Variants in GRB14 observed in about 807,000 individuals in gnomAD.
GRB14 encodes growth factor receptor-bound protein 14.
In GRB14, 38 loss-of-function variants were observed where a neutral mutation model predicts 69.1. The ratio of observed to expected loss-of-function variants is 0.55; its 90% CI spans 0.42 to 0.72. The LOEUF is 0.72. Ranked by LOEUF, GRB14 falls within the 30% of genes least tolerant of loss-of-function variation. The pLI is 0.00. For synonymous variants in GRB14, 247 were observed against 241.3 expected (o/e 1.02, Z -0.22); for missense variants, 666 against 666.1 (o/e 1.00, Z 0.00).
chr2:164,560,952 T>A (rs1311770151), intron 2 of GRB14, among the ~76,000 whole-genome samples: 1 of 152,156 alleles, frequency 6.6e-6, no homozygotes, highest in Non-Finnish European at 1.5e-5. Context: ...GAATCTGAAA[T>A]TACCAAAAGT....
chr2:164,503,169 TAAAA>T (rs3086552), intron 8 of GRB14, among the ~76,000 whole-genome samples: 1 of 126,600 alleles, frequency 7.9e-6, no homozygotes, highest in African/African-American at 2.9e-5. Flanking sequence ...GCTACTTTGT[TAAAA>T]AAAAAAAAAA....
At chr2:164,508,603 C>T in intron 7 of GRB14, 53 bp from the exon 8 acceptor site, 1 of 1,532,688 alleles carries the variant, frequency 6.5e-7, no homozygotes, top group Admixed American at 1.7e-5. Context: ...GAAGGTAACA[C>T]CTGTTGAAAT....
Position 164,527,112 on chromosome 2 carries a change from G to C in GRB14, c.505C>G (p.Leu169Val). The C allele has an allele frequency of 6.4e-7, 1 of 1,574,768 alleles. No individual in the cohort carries two copies. ...GVERTIEDHE[L>V]VIEVLSNWGI... is the part of the protein sequence containing the mutation. ...CAGTTGGATAGCACTTCAATCACCA[G>C]TTCGTGGTCTTCTATTGTTCTTTCT... Residue 169 changes from leucine (L) to valine (V), a missense_variant, in exon 4 of 14, where the codon CTG becomes GTG. Leu to Val is a conservative substitution (Grantham distance 32). Coordinates refer to ENST00000263915, the MANE Select transcript of GRB14 (RefSeq NM_004490.3).
At chr2:164,598,311 T>A (rs1426202385) in intron 2 of GRB14, among the ~76,000 whole-genome samples, 1 of 152,202 alleles carries the variant, frequency 6.6e-6, no homozygotes, top group Non-Finnish European at 1.5e-5. Context: ...GGTATTAAAT[T>A]GAATTTTGAA....
chr2:164,612,812 A>G (rs1690198690), intron 2 of GRB14, among the ~76,000 whole-genome samples: 1 of 152,224 alleles, frequency 6.6e-6, no homozygotes, highest in South Asian at 2.1e-4. Context: ...ATAACGTTAA[A>G]AAGAAAACCC....
intron 2 of GRB14, among the ~76,000 whole-genome samples, chr2:164,611,744 C>A (rs1437539384): frequency 6.6e-6 from 1 of 151,842 alleles, no homozygotes; most frequent in Non-Finnish European, 1.5e-5. Flanking sequence ...CTAGTTTAAC[C>A]AGACCCTTCT....
intron 3 of GRB14, among the ~76,000 whole-genome samples, chr2:164,534,913 T>A (rs1688041473): frequency 6.6e-6 from 1 of 152,168 alleles, no homozygotes. Context: ...AAAATCCATC[T>A]AAAATACTAT....
intron 2 of GRB14, among the ~76,000 whole-genome samples, chr2:164,619,486 G>T (rs1048741967): frequency 1.3e-5 from 2 of 152,096 alleles, no homozygotes; most frequent in Non-Finnish European, 2.9e-5. Flanking sequence ...TCGGAGGTAG[G>T]TTTTAACATT....
In GRB14 at chr2:164,550,763, T is replaced by C. The variant is rs568045815; in HGVS notation, c.325-2947A>G. On this transcript the variant is annotated intron_variant, in intron 2 of 13. Transcript: ENST00000263915. ...TGCAAACTACAGTATTTTCACAGAA[T>C]GGAATATTATATGGTCCCTAAAAAT... Among the ~76,000 whole-genome samples the C allele has an allele frequency of 1.6e-4, 25 of 152,200 alleles. 1 individual carries two copies. The highest frequency in any genetic ancestry group is 1.5e-3 in the Admixed American group (23 of 15,294).
Position 164,508,855 on chromosome 2 carries a change from T to TAA in GRB14, c.817-5_817-4dup. 58 of 1,384,034 alleles carry TAA rather than the reference T, an allele frequency of 4.2e-5. No homozygotes were observed. Among genetic ancestry groups the TAA allele is most frequent in the Admixed American group, 9.4e-5 (4 of 42,566 alleles). 85.7% of individuals were successfully genotyped at this position (1,384,034 alleles called of 1,614,324 possible). Reference sequence around the variant, plus strand: ...AAAAACTGCAAATGCCGCGGTTCCTTAAAAAAAAAAGTATTGACATGGATA... The same window carrying TAA: ...AAAAACTGCAAATGCCGCGGTTCCTTAAAAAAAAAAAAGTATTGACATGGATA... On this transcript the variant is annotated splice_region_variant and splice_polypyrimidine_tract_variant and intron_variant, in intron 6 of 13. Transcript: ENST00000263915.
intron 2 of GRB14, among the ~76,000 whole-genome samples, chr2:164,564,493 C>T (rs1688916906): frequency 6.6e-6 from 1 of 152,182 alleles, no homozygotes; most frequent in South Asian, 2.1e-4. Context: ...GAACTATTCT[C>T]TTATATGAAT....
chr2:164,566,045 G>A (rs143212521), intron 2 of GRB14, among the ~76,000 whole-genome samples: 1 of 152,186 alleles, frequency 6.6e-6, no homozygotes, highest in Non-Finnish European at 1.5e-5. Flanking sequence ...TAAATTATTT[G>A]TCAAGGGCCA....
At position 164,619,720 on chromosome 2, in the gene GRB14, G is replaced by T. The variant is rs200640258; in HGVS notation, c.291C>A (p.Asp97Glu). 2 of 1,590,478 alleles carry T rather than the reference G, an allele frequency of 1.3e-6. No homozygotes were observed. ...TCCTTGAATTTGCTTTGGGAAATAG[G>T]TCTGCTGACAACACAGATGTAAATG... Reference protein sequence around the residue: ...CSPFTSVLSADLFPKANSRKK... With the variant: ...CSPFTSVLSAELFPKANSRKK... The change falls in exon 2 of 14, where the codon GAC (aspartate) becomes GAA (glutamate). Residue 97 changes from aspartate (D) to glutamate (E), a missense_variant. Asp to Glu is a conservative substitution (Grantham distance 45). Coordinates refer to ENST00000263915, the MANE Select transcript of GRB14 (RefSeq NM_004490.3).
intron 2 of GRB14, among the ~76,000 whole-genome samples, chr2:164,551,699 C>A (rs533462978): frequency 6.6e-6 from 1 of 152,236 alleles, no homozygotes. Flanking sequence ...CTAAATTTGG[C>A]CCTGGTTCCA....
At chr2:164,560,770 C>T (rs1191101748) in intron 2 of GRB14, among the ~76,000 whole-genome samples, 1 of 151,948 alleles carries the variant, frequency 6.6e-6, no homozygotes, top group Non-Finnish European at 1.5e-5. Context: ...TGGTATTTTC[C>T]CAAACAAAGC....
rs1408354161 is a variant in GRB14 at position 164,547,670 on chromosome 2, G to A, written c.471C>T (p.His157=). ...HSWTLFEHLP[H]IGVERTIEDH... ...ACTCCGTATCCTTACCTACACCTATGTGAGGCAGGTGCTCAAAAAGGGTCC... is the reference window on the plus strand; with the variant it reads ...ACTCCGTATCCTTACCTACACCTATATGAGGCAGGTGCTCAAAAAGGGTCC... The change falls in exon 3 of 14, where the codon CAC becomes CAT. Residue 157 remains histidine (H), a synonymous_variant. Coordinates refer to ENST00000263915, the MANE Select transcript of GRB14 (RefSeq NM_004490.3). 1 of 1,613,266 alleles carries A rather than the reference G, an allele frequency of 6.2e-7. No individual in the cohort carries two copies.
At chr2:164,496,125 C>G (rs139910678) in intron 12 of GRB14, among the ~76,000 whole-genome samples, 92 of 152,260 alleles carry the variant, frequency 6.0e-4, no homozygotes, top group African/African-American at 2.2e-3. Flanking sequence ...AATAATCTTC[C>G]ATGTGAAGAA....
At chr2:164,606,390 T>A (rs1690040956) in intron 2 of GRB14, among the ~76,000 whole-genome samples, 1 of 152,242 alleles carries the variant, frequency 6.6e-6, no homozygotes, top group South Asian at 2.1e-4. Flanking sequence ...AAAGTATGTT[T>A]CAGATATCAT....
chr2:164,493,297 G>A, intron 13 of GRB14, 115 bp from the exon 14 acceptor site: 1 of 882,136 alleles, frequency 1.1e-6, no homozygotes. Context: ...AAAACTAAAA[G>A]ACAGTGAAAA....
Sources: allele counts gnomAD v4.1 joint callset (sites outside exome capture counted in the v4.1 genomes callset), GRCh38; gene constraint gnomAD v4.1.1; transcripts MANE v1.5; gene names NCBI Gene and HGNC (gene_info 2026-07-23, HGNC 2026-07-21).